Variants in ZNF230 observed in about 807,000 individuals in gnomAD.
ZNF230 encodes the protein zinc finger protein FDZF2.
ZNF230 carries 12 observed loss-of-function variants against 10.0 expected under a neutral mutation model. The observed-to-expected ratio is 1.20, with a 90% CI of 0.77 to 1.95. ZNF230 has a LOEUF of 1.95. Among genes scored for constraint, ZNF230 ranks in the 30% most tolerant of loss-of-function variants. ZNF230 has a pLI of 0.00. For synonymous variants in ZNF230, 174 were observed against 193.6 expected (o/e 0.90, Z 0.84); for missense variants, 532 against 565.8 (o/e 0.94, Z 0.61).
chr19:44,009,226 A>C (rs765033577), intron 4 of ZNF230, 56 bp downstream of exon 4: 1 of 1,573,506 alleles, frequency 6.4e-7, no homozygotes, highest in Admixed American at 1.7e-5. Context: ...CATTTGTTTT[A>C]CTTCTGACCA....
At position 44,010,285 on chromosome 19, in the gene ZNF230, G is replaced by A. The variant is rs150544790; in HGVS notation, c.246G>A (p.Ala82=). Residue 82 remains alanine, a synonymous_variant, in exon 5 of 5, where the codon GCG becomes GCA. Coordinates refer to ENST00000429154, the MANE Select transcript of ZNF230 (RefSeq NM_006300.4). The part of the protein sequence containing the change: ...REGNSGGKTI[A]EAGPHEDCPC... ...TCCTTATAGGCGGCAAGACTATTGC[G>A]GAAGCAGGACCACATGAAGACTGCC... 2.9e-4 allele frequency: 468 copies of A among 1,607,974 alleles called. 1 individual carries two copies. The highest frequency in any genetic ancestry group is 2.1e-3 in the Middle Eastern group (13 of 6,052).
At chr19:44,008,974 T>G in intron 3 of ZNF230, 58 bp downstream of exon 3, 1 of 1,606,538 alleles carries the variant, frequency 6.2e-7, no homozygotes. Context: ...CTTTGTATCC[T>G]AGAGTATTCA....
rs1976197406 is a variant in ZNF230 at position 44,012,526 on chromosome 19, C to T, written c.*1062C>T. 2 of 512,664 alleles carry T rather than the reference C, an allele frequency of 3.9e-6. No homozygotes were observed. Among genetic ancestry groups the T allele is most frequent in the Non-Finnish European group, 7.8e-6 (2 of 257,210 alleles). 31.8% of individuals were successfully genotyped at this position (512,664 alleles called of 1,614,324 possible). On this transcript the variant is annotated 3_prime_UTR_variant, in exon 5 of 5. Coordinates refer to ENST00000429154, the MANE Select transcript of ZNF230 (RefSeq NM_006300.4). ...TCTTGTAAATTGTGCAGTAGGGTTG[C>T]AAACAGAACTTACGCTTGTCATTCA...
Position 44,007,335 on chromosome 19 carries a change from C to G in ZNF230, c.15+242C>G, listed in dbSNP as rs1025662507. Among the ~76,000 whole-genome samples, 3 of 152,276 alleles carry G rather than the reference C, an allele frequency of 2.0e-5. No homozygotes were observed. In the East Asian group the frequency reaches 5.8e-4, roughly 29 times the overall value. On this transcript the variant is annotated intron_variant, in intron 2 of 4. Coordinates refer to ENST00000429154, the MANE Select transcript of ZNF230 (RefSeq NM_006300.4). The stretch of plus-strand genomic sequence containing the variant: ...TTAGTAGGAATGAACAGTGCTCCCA[C>G]TTCTTCACCTCCTTGCTCTCAAATT...
rs552908731 is a variant in ZNF230 at position 44,007,203 on chromosome 19, C to T, written c.15+110C>T. 5.2e-5 allele frequency: 52 copies of T among 992,614 alleles called. No homozygotes were observed. In the African/African-American group the frequency reaches 7.2e-4, roughly 14 times the overall value. The allele number at this position is 992,614 out of a possible 1,614,324, so 61.5% of individuals were successfully genotyped here. A position where few individuals can be genotyped will look rare whatever the true frequency, so the allele number is the denominator to read the frequency against. On this transcript the variant is annotated intron_variant, in intron 2 of 4. Coordinates refer to ENST00000429154, the MANE Select transcript of ZNF230 (RefSeq NM_006300.4). Reference sequence around the variant, plus strand: ...CAAGGAGGAAATGGGCATTTGGGACCTGTTGTGTGCCAGTTGCTTCCTTTG... The same window carrying T: ...CAAGGAGGAAATGGGCATTTGGGACTTGTTGTGTGCCAGTTGCTTCCTTTG...
chr19:44,005,004 T>C (rs1976110312), intron 1 of ZNF230, among the ~76,000 whole-genome samples: 1 of 150,306 alleles, frequency 6.7e-6, no homozygotes, highest in African/African-American at 2.4e-5. Flanking sequence ...GCAGTTGTGG[T>C]CCCAGCTACT....
chr19:44,010,930 G>A lies in ZNF230; in HGVS notation c.891G>A (p.Arg297=). 6.2e-7 allele frequency: 1 copy of A among 1,614,176 alleles called. No individual in the cohort carries two copies. The highest frequency in any genetic ancestry group is 1.6e-4 in the Middle Eastern group (1 of 6,062). The change falls in exon 5 of 5, where the codon AGG becomes AGA. Residue 297 remains arginine (R), a synonymous_variant. Transcript: ENST00000429154. ...KSFCLRSSLN[R]HCMVHTAEKL... Reference sequence around the variant, plus strand: ...TCTGCCTTAGGTCAAGTCTTAATAGGCATTGCATGGTCCACACAGCAGAGA... The same window carrying A: ...TCTGCCTTAGGTCAAGTCTTAATAGACATTGCATGGTCCACACAGCAGAGA...
In ZNF230 at chr19:44,008,863, G is replaced by A. The variant is rs983038663; in HGVS notation, c.89G>A (p.Arg30Lys). The A allele has an allele frequency of 6.2e-7, 1 of 1,614,130 alleles. No individual in the cohort carries two copies. The stretch of plus-strand genomic sequence containing the variant: ...CTGGGGCTACTGGACCCTGCCCAGA[G>A]GAAGCTGTACCAAGACGTGATGCTT... The part of the protein sequence containing the change: ...EELGLLDPAQ[R>K]KLYQDVMLEN... The change falls in exon 3 of 5, where the codon AGG (arginine) becomes AAG (lysine). Residue 30 changes from arginine to lysine, a missense_variant. Physicochemically the swap from Arg to Lys is conservative, Grantham distance 26. Transcript: ENST00000429154.
chr19:44,005,704 C>T (rs1433282795), intron 1 of ZNF230, among the ~76,000 whole-genome samples: 1 of 152,084 alleles, frequency 6.6e-6, no homozygotes, highest in African/African-American at 2.4e-5. Flanking sequence ...GCCTGGCCAA[C>T]ATGGTGACAC....
chr19:44,005,876 G>A (rs1233362233), intron 1 of ZNF230, among the ~76,000 whole-genome samples: 2 of 152,130 alleles, frequency 1.3e-5, no homozygotes, highest in Admixed American at 1.3e-4. Flanking sequence ...GTGACAGAGC[G>A]AGACTCTGTC....
chr19:44,006,333 T>C (rs765408567), intron 1 of ZNF230, among the ~76,000 whole-genome samples: 6 of 152,218 alleles, frequency 3.9e-5, no homozygotes, highest in Non-Finnish European at 8.8e-5. Context: ...ACATTATTAG[T>C]GGGCATTCTA....
intron 4 of ZNF230, among the ~76,000 whole-genome samples, chr19:44,009,813 C>T (rs978215126): frequency 6.6e-6 from 1 of 152,194 alleles, no homozygotes; most frequent in Non-Finnish European, 1.5e-5. Flanking sequence ...GATTACCTCT[C>T]AGATGCTGAG....
intron 1 of ZNF230, chr19:44,003,430 C>T (rs1976088604): frequency 6.6e-6 from 1 of 152,078 alleles, no homozygotes; most frequent in Non-Finnish European, 1.5e-5. Flanking sequence ...TAAAGCAGTC[C>T]CTGTCACTTG....
rs1282826140 is a variant in ZNF230 at position 44,012,483 on chromosome 19, A to AC, written c.*1021dup. On this transcript the variant is annotated 3_prime_UTR_variant, in exon 5 of 5. Coordinates refer to ENST00000429154, the MANE Select transcript of ZNF230 (RefSeq NM_006300.4). ...CTCAGCATTCTCCCATCATCCTAGG[A>AC]CCATCGTAGTAGAGAACTCTTGTAA... The AC allele has an allele frequency of 1.9e-6, 1 of 518,786 alleles. No homozygotes were observed. The highest frequency in any genetic ancestry group is 1.9e-5 in the African/African-American group (1 of 51,952). 32.1% of individuals were successfully genotyped at this position (518,786 alleles called of 1,614,324 possible).
At chr19:44,005,900 A>C (rs2147422768) in intron 1 of ZNF230, among the ~76,000 whole-genome samples, 1 of 152,248 alleles carries the variant, frequency 6.6e-6, no homozygotes, top group African/African-American at 2.4e-5. Flanking sequence ...AAAAATAAAA[A>C]AATAAAGTCC....
intron 1 of ZNF230, chr19:44,003,796 G>T: frequency 5.6e-6 from 1 of 177,066 alleles, no homozygotes; most frequent in Admixed American, 5.7e-5. Context: ...ACCCAACCGA[G>T]AGTGTGTCCT....
chr19:44,011,125 A>G lies in ZNF230; in HGVS notation c.1086A>G (p.Lys362=). 1.9e-6 allele frequency: 3 copies of G among 1,614,216 alleles called. No individual in the cohort carries two copies. Among genetic ancestry groups the G allele is most frequent in the East Asian group, 4.5e-5 (2 of 44,888 alleles). Residue 362 remains lysine, a synonymous_variant, in exon 5 of 5, where the codon AAA becomes AAG. Transcript: ENST00000429154. ...ATCAGCGAATCCACAGTGGAGAAAA[A>G]CCATACAGATGTGAGGAGTGTGGGA... The part of the protein sequence containing the change: ...LIHQRIHSGE[K]PYRCEECGKG...
chr19:44,009,998 A>T (rs1401458484), intron 4 of ZNF230, among the ~76,000 whole-genome samples: 1 of 152,228 alleles, frequency 6.6e-6, no homozygotes, highest in Non-Finnish European at 1.5e-5. Context: ...AAGATTTTTG[A>T]CTGACCAGAA....
At chr19:44,009,595 G>A (rs1020872420) in intron 4 of ZNF230, among the ~76,000 whole-genome samples, 1 of 152,150 alleles carries the variant, frequency 6.6e-6, no homozygotes, top group South Asian at 2.1e-4. Context: ...TGTATTCCCT[G>A]TTGCTGGTAA....
Sources: gnomAD v4.1 joint callset for allele counts (sites outside exome capture counted in the v4.1 genomes callset) on GRCh38, gnomAD v4.1.1 for gene constraint, MANE v1.5 for transcripts, NCBI Gene and HGNC (gene_info 2026-07-23, HGNC 2026-07-21) for gene names.